The following SMAD2 variants were observed in gnomAD, a reference collection of about 807,000 sequenced individuals.
SMAD2 encodes the protein SMAD family member 2.
Under a neutral mutation model 64.4 loss-of-function variants are expected in SMAD2, and 8 were observed. The observed-to-expected ratio is 0.12, with a 90% CI of 0.07 to 0.22. The LOEUF (loss-of-function observed/expected upper bound fraction) is 0.22. Ranked by LOEUF, SMAD2 falls within the 10% of genes least tolerant of loss-of-function variation. The pLI is 1.00. For synonymous variants in SMAD2, 203 were observed against 195.8 expected, an observed-to-expected ratio of 1.04 and a Z score of -0.31; for missense variants, 289 against 561.2, an observed-to-expected ratio of 0.51 and a Z score of 4.90.
rs1458337466 is a variant in SMAD2 at position 47,864,808 on chromosome 18, C to T, written c.730+251G>A. Among the ~76,000 whole-genome samples, 4 of 152,172 alleles carry T rather than the reference C, an allele frequency of 2.6e-5. No individual in the cohort carries two copies. In the East Asian group the frequency reaches 7.7e-4, roughly 29 times the overall value. On this transcript the variant is annotated intron_variant, in intron 6 of 10. Transcript: ENST00000262160. The stretch of plus-strand genomic sequence containing the variant: ...ACTTAAAAAGAAATAAAAGTATGTG[C>T]ATGTTTTCAAATTTTCATTTACTCT...
intron 7 of SMAD2, among the ~76,000 whole-genome samples, chr18:47,850,198 A>G (rs1270205751): frequency 2.1e-5 from 2 of 96,190 alleles, no homozygotes; most frequent in African/African-American, 4.2e-5. Flanking sequence ...TATATATAGT[A>G]TATATATATT....
chr18:47,876,386 T>TC (rs1220589547), intron 2 of SMAD2, among the ~76,000 whole-genome samples: 1 of 152,048 alleles, frequency 6.6e-6, no homozygotes, highest in Non-Finnish European at 1.5e-5. Context: ...TACAATGATG[T>TC]CCCTGCATCA....
intron 6 of SMAD2, among the ~76,000 whole-genome samples, chr18:47,858,067 G>T (rs1298460808): frequency 6.6e-6 from 1 of 152,070 alleles, no homozygotes; most frequent in Admixed American, 6.6e-5. Flanking sequence ...TCTTTCCAAA[G>T]AAAGTGTTAT....
chr18:47,869,203 T>C (rs1469732811), intron 4 of SMAD2, 40 bp downstream of exon 4: 2 of 1,485,710 alleles, frequency 1.3e-6, no homozygotes, highest in Non-Finnish European at 1.9e-6. Flanking sequence ...AGTTCAGGCA[T>C]TTAATTCAAA....
chr18:47,841,908 A>G lies in SMAD2; in HGVS notation c.1323T>C (p.His441=), dbSNP rs1380340979. ...VTSTPCWIEL[H]LNGPLQWLDK... ...CCAACCACTGTAGAGGTCCATTCAG[A>G]TGAAGTTCAATCCAGCAAGGAGTAC... Residue 441 remains histidine (H), a synonymous_variant, in exon 11 of 11, where the codon CAT becomes CAC. Coordinates refer to ENST00000262160, the MANE Select transcript of SMAD2 (RefSeq NM_005901.6). The G allele has an allele frequency of 1.2e-6, 2 of 1,613,974 alleles. No homozygotes were observed. Among genetic ancestry groups the G allele is most frequent in the Non-Finnish European group, 8.5e-7 (1 of 1,179,936 alleles).
At chr18:47,863,614 C>A (rs577457492) in intron 6 of SMAD2, among the ~76,000 whole-genome samples, 1 of 152,134 alleles carries the variant, frequency 6.6e-6, no homozygotes, top group African/African-American at 2.4e-5. Context: ...TGTTGCCACA[C>A]GTCATGCTAT....
chr18:47,840,915 A>C lies in SMAD2; in HGVS notation c.*912T>G. 1 of 232,564 alleles carries C rather than the reference A, an allele frequency of 4.3e-6. No homozygotes were observed. The highest frequency in any genetic ancestry group is 8.5e-6 in the Non-Finnish European group (1 of 117,604). 14.4% of individuals were successfully genotyped at this position (232,564 alleles called of 1,614,324 possible). ...GAAGGATAAATCAACAGACTGCTAGATTATACAAGCCAATTATTCCTGTTG... is the reference window on the plus strand; with the variant it reads ...GAAGGATAAATCAACAGACTGCTAGCTTATACAAGCCAATTATTCCTGTTG... On this transcript the variant is annotated 3_prime_UTR_variant, in exon 11 of 11. Transcript: ENST00000262160.
rs1014130954 is a variant in SMAD2 at position 47,823,869 on chromosome 18, G to C, written c.*17958C>G. ...TTATTTGCCAAATTTTCTGCAGAAA[G>C]AAGTACAATTCCTAACAGAATAATG... On this transcript the variant is annotated 3_prime_UTR_variant, in exon 11 of 11. Coordinates refer to ENST00000262160, the MANE Select transcript of SMAD2 (RefSeq NM_005901.6). 1 of 152,132 alleles carries C rather than the reference G, an allele frequency of 6.6e-6. No individual in the cohort carries two copies. The highest frequency in any genetic ancestry group is 1.5e-5 in the Non-Finnish European group (1 of 68,032). 9.4% of individuals were successfully genotyped at this position (152,132 alleles called of 1,614,324 possible). A position where few individuals can be genotyped will look rare whatever the true frequency, so the allele number is the denominator to read the frequency against.
intron 7 of SMAD2, 57 bp from the exon 8 acceptor site, chr18:47,848,744 G>C: frequency 8.3e-7 from 1 of 1,202,832 alleles, no homozygotes; most frequent in Non-Finnish European, 1.2e-6. Context: ...AACAATTCAA[G>C]CCAAAAATAG....
At chr18:47,904,249 A>T (rs1479217668) in intron 1 of SMAD2, among the ~76,000 whole-genome samples, 4 of 149,408 alleles carry the variant, frequency 2.7e-5, no homozygotes, top group South Asian at 4.3e-4. Context: ...GGCATCTCGT[A>T]TGAAGCAAAT....
At chr18:47,875,110 T>C (rs2032192849) in intron 2 of SMAD2, among the ~76,000 whole-genome samples, 1 of 152,176 alleles carries the variant, frequency 6.6e-6, no homozygotes, top group Non-Finnish European at 1.5e-5. Flanking sequence ...GTCCTTTCTG[T>C]CTCACATGAA....
rs1395784685 is a variant in SMAD2 at position 47,930,640 on chromosome 18, G to C, written c.-333C>G. The C allele has an allele frequency of 6.7e-6, 1 of 149,974 alleles. No homozygotes were observed. The highest frequency in any genetic ancestry group is 2.4e-5 in the African/African-American group (1 of 40,866). The allele number at this position is 149,974 out of a possible 1,614,324, so 9.3% of individuals were successfully genotyped here. A position where few individuals can be genotyped will look rare whatever the true frequency, so the allele number is the denominator to read the frequency against. ...AGCCTGGCCGCCGCCCGCGGGGAAG[G>C]AGGGGGTGAGGACGCGCGCGCCCGC... On this transcript the variant is annotated 5_prime_UTR_variant, in exon 1 of 11. Transcript: ENST00000262160.
At position 47,837,600 on chromosome 18, in the gene SMAD2, A is replaced by T. The variant is rs560274508; in HGVS notation, c.*4227T>A. ...AAAAACAAAAAACAAGGCTAACAAG[A>T]AAGAGGATAACCAGCAAGTACCACC... On this transcript the variant is annotated 3_prime_UTR_variant, in exon 11 of 11. Transcript: ENST00000262160. 2.6e-5 allele frequency: 6 copies of T among 232,608 alleles called. No individual in the cohort carries two copies. The East Asian group carries it at 3.6e-4, about 14-fold the overall frequency. The allele number at this position is 232,608 out of a possible 1,614,324, so 14.4% of individuals were successfully genotyped here.
rs1913627052 is a variant in SMAD2, at chr18:47,838,316, A to C, written c.*3511T>G. On this transcript the variant is annotated 3_prime_UTR_variant, in exon 11 of 11. Transcript: ENST00000262160. ...ACAATTTGTAAAAACTTACAAAGAA[A>C]ATTTAGCTTTCAAGAAAAATTAGGC... The C allele has an allele frequency of 4.3e-6, 1 of 233,326 alleles. No individual in the cohort carries two copies. Among genetic ancestry groups the C allele is most frequent in the African/African-American group, 2.2e-5 (1 of 45,472 alleles). The allele number at this position is 233,326 out of a possible 1,614,324, so 14.5% of individuals were successfully genotyped here. A position where few individuals can be genotyped will look rare whatever the true frequency, so the allele number is the denominator to read the frequency against.
At chr18:47,929,110 A>G (rs575543546) in intron 1 of SMAD2, among the ~76,000 whole-genome samples, 125 of 152,336 alleles carry the variant, frequency 8.2e-4, no homozygotes, top group African/African-American at 2.8e-3. Flanking sequence ...AAATACCCTC[A>G]AACTATGGTA....
At position 47,809,118 on chromosome 18, in the gene SMAD2, G is replaced by C. The variant is rs972094723; in HGVS notation, c.*32709C>G. The C allele has an allele frequency of 6.6e-6, 1 of 152,320 alleles. No homozygotes were observed. Among genetic ancestry groups the C allele is most frequent in the Non-Finnish European group, 1.5e-5 (1 of 68,112 alleles). The allele number at this position is 152,320 out of a possible 1,614,324, so 9.4% of individuals were successfully genotyped here. ...TTCTCAGCAGCAGTTCTCAACAACA[G>C]ATCACAGAAACAAGGCTGTCCTCCT... On this transcript the variant is annotated 3_prime_UTR_variant, in exon 11 of 11. Transcript: ENST00000262160.
At chr18:47,853,926 CAT>C (rs1568047178) in intron 6 of SMAD2, among the ~76,000 whole-genome samples, 1 of 152,128 alleles carries the variant, frequency 6.6e-6, no homozygotes, top group Non-Finnish European at 1.5e-5. Context: ...CCCAACTATT[CAT>C]ATCTTTTAAC....
chr18:47,859,161 A>G (rs1034322996), intron 6 of SMAD2, among the ~76,000 whole-genome samples: 1 of 152,166 alleles, frequency 6.6e-6, no homozygotes, highest in Non-Finnish European at 1.5e-5. Context: ...CCAAATGTGT[A>G]TCATCTAATA....
intron 1 of SMAD2, among the ~76,000 whole-genome samples, chr18:47,899,148 T>A (rs1269393237): frequency 6.6e-6 from 1 of 152,140 alleles, no homozygotes; most frequent in Non-Finnish European, 1.5e-5. Flanking sequence ...TAAGAAAAAG[T>A]TACAAATTAC....
Sources: gnomAD v4.1 joint callset for allele counts (sites outside exome capture counted in the v4.1 genomes callset) on GRCh38, gnomAD v4.1.1 for gene constraint, MANE v1.5 for transcripts, NCBI Gene and HGNC (gene_info 2026-07-23, HGNC 2026-07-21) for gene names.